Variants in PKP4 observed in about 807,000 individuals in gnomAD.
PKP4 encodes the protein plakophilin-4.
In PKP4, 90 loss-of-function variants were observed where a neutral mutation model predicts 145.1. The observed-to-expected ratio is 0.62, with a 90% CI of 0.52 to 0.74. PKP4 has a LOEUF of 0.74. PKP4 is among the 30% of genes least tolerant of loss of function. The pLI is 0.00. For synonymous variants in PKP4, 563 were observed against 577.2 expected (o/e 0.98, Z 0.35); for missense variants, 1,340 against 1,482.7 (o/e 0.90, Z 1.58).
chr2:158,529,749 A>G (rs2043347911), intron 1 of PKP4, among the ~76,000 whole-genome samples: 1 of 152,250 alleles, frequency 6.6e-6, no homozygotes, highest in African/African-American at 2.4e-5. Flanking sequence ...CTGCTGAGCT[A>G]ACCTAAATAC....
At chr2:158,476,317 C>T (rs1161636866) in intron 1 of PKP4, among the ~76,000 whole-genome samples, 1 of 152,016 alleles carries the variant, frequency 6.6e-6, no homozygotes, top group Non-Finnish European at 1.5e-5. Flanking sequence ...GGGGCTCATC[C>T]TCTGATGATT....
chr2:158,544,273 A>G (rs529388667), intron 2 of PKP4, among the ~76,000 whole-genome samples: 4 of 152,338 alleles, frequency 2.6e-5, no homozygotes, highest in South Asian at 4.1e-4. Flanking sequence ...ACATAGGGGC[A>G]TCGTAAGACT....
At position 158,512,105 on chromosome 2, in the gene PKP4, C is replaced by A. The variant is rs533514135; in HGVS notation, c.-5-21075C>A. Reference sequence around the variant, plus strand: ...TCTTGGGATGACTGGACTAGAAACACACAAACTATTATTATTTTAATGAGG... The same window carrying A: ...TCTTGGGATGACTGGACTAGAAACAAACAAACTATTATTATTTTAATGAGG... On this transcript the variant is annotated intron_variant, in intron 1 of 21. Coordinates refer to ENST00000389759, the MANE Select transcript of PKP4 (RefSeq NM_003628.6). Among the ~76,000 whole-genome samples the A allele has an allele frequency of 4.3e-4, 65 of 152,252 alleles. No individual in the cohort carries two copies. The South Asian group carries it at 4.6e-3, about 11-fold the overall frequency.
chr2:158,558,745 C>T (rs1294343430), intron 2 of PKP4, among the ~76,000 whole-genome samples: 1 of 151,978 alleles, frequency 6.6e-6, no homozygotes, highest in Admixed American at 6.6e-5. Flanking sequence ...GAGAGTGATG[C>T]GATGGTCAGG....
At chr2:158,495,955 T>C (rs1184980570) in intron 1 of PKP4, among the ~76,000 whole-genome samples, 4 of 152,142 alleles carry the variant, frequency 2.6e-5, no homozygotes, top group African/African-American at 9.7e-5. Flanking sequence ...TATTTTCTTT[T>C]TTGTATACAT....
At chr2:158,496,720 GTC>G (rs1040974603) in intron 1 of PKP4, among the ~76,000 whole-genome samples, 3 of 151,636 alleles carry the variant, frequency 2.0e-5, no homozygotes, top group East Asian at 1.9e-4. Flanking sequence ...CTCAGTCAGT[GTC>G]TCTCTTTCGC....
intron 7 of PKP4, 111 bp from the exon 8 acceptor site, chr2:158,631,642 C>CT: frequency 1.1e-6 from 1 of 917,718 alleles, no homozygotes; most frequent in South Asian, 1.4e-5. Flanking sequence ...TCTCCCACCT[C>CT]TGTCTCCCAA....
chr2:158,535,220 T>C (rs2043930707), intron 2 of PKP4, among the ~76,000 whole-genome samples: 1 of 152,192 alleles, frequency 6.6e-6, no homozygotes, highest in Non-Finnish European at 1.5e-5. Context: ...CTTCCTATCA[T>C]CTACCCAATG....
chr2:158,631,313 G>C (rs2053336281), intron 7 of PKP4, among the ~76,000 whole-genome samples: 3 of 152,016 alleles, frequency 2.0e-5, no homozygotes, highest in Admixed American at 2.0e-4. Context: ...AAACTTACTA[G>C]TTTTAGTGTT....
At chr2:158,478,967 G>C (rs569103801) in intron 1 of PKP4, among the ~76,000 whole-genome samples, 1 of 152,074 alleles carries the variant, frequency 6.6e-6, no homozygotes. Context: ...ATGATTTCCT[G>C]TCACATTTTC....
chr2:158,546,685 A>C (rs77290781), intron 2 of PKP4, among the ~76,000 whole-genome samples: 120 of 152,280 alleles, frequency 7.9e-4, no homozygotes, highest in Admixed American at 1.8e-3. Flanking sequence ...GAAAAACAGC[A>C]TGGGATCTTT....
At chr2:158,643,179 T>C (rs1160920888) in intron 11 of PKP4, among the ~76,000 whole-genome samples, 3 of 152,126 alleles carry the variant, frequency 2.0e-5, no homozygotes, top group Non-Finnish European at 4.4e-5. Context: ...CACCCTCAGA[T>C]TGGTGAGGAA....
intron 2 of PKP4, among the ~76,000 whole-genome samples, chr2:158,545,649 A>G (rs1180599105): frequency 6.6e-6 from 1 of 152,212 alleles, no homozygotes; most frequent in African/African-American, 2.4e-5. Flanking sequence ...ATATCCATAT[A>G]TAACTGCATA....
chr2:158,528,680 A>G (rs951800839), intron 1 of PKP4, among the ~76,000 whole-genome samples: 2 of 149,414 alleles, frequency 1.3e-5, no homozygotes, highest in African/African-American at 2.4e-5. Context: ...AAAAAAAAAA[A>G]AAAAAAGAGA....
At chr2:158,522,969 C>G (rs566555850) in intron 1 of PKP4, among the ~76,000 whole-genome samples, 14 of 152,252 alleles carry the variant, frequency 9.2e-5, no homozygotes, top group African/African-American at 3.4e-4. Flanking sequence ...ACACCTGGCT[C>G]GGAGGGTCCT....
chr2:158,559,778 T>C (rs1574482876), intron 2 of PKP4, among the ~76,000 whole-genome samples: 1 of 152,100 alleles, frequency 6.6e-6, no homozygotes, highest in Non-Finnish European at 1.5e-5. Context: ...AAGAGTAATA[T>C]GATGGGAAAT....
chr2:158,653,133 A>G (rs2105956725), intron 11 of PKP4, among the ~76,000 whole-genome samples: 1 of 152,318 alleles, frequency 6.6e-6, no homozygotes, highest in Admixed American at 6.5e-5. Context: ...CATAAATTGA[A>G]TGCTGTCTAA....
At chr2:158,562,091 A>G (rs2046581008) in intron 2 of PKP4, among the ~76,000 whole-genome samples, 1 of 152,108 alleles carries the variant, frequency 6.6e-6, no homozygotes, top group Non-Finnish European at 1.5e-5. Flanking sequence ...GAAAGTTAGT[A>G]GTTTCTTGAT....
intron 3 of PKP4, among the ~76,000 whole-genome samples, chr2:158,600,500 A>T (rs549959667): frequency 6.6e-6 from 1 of 152,348 alleles, no homozygotes. Flanking sequence ...AAATAAGCCT[A>T]TGTTTCTAAC....
Sources: allele counts gnomAD v4.1 joint callset (sites outside exome capture counted in the v4.1 genomes callset), GRCh38; gene constraint gnomAD v4.1.1; transcripts MANE v1.5; gene names NCBI Gene and HGNC (gene_info 2026-07-23, HGNC 2026-07-21).